The following KAT2B variants were observed in gnomAD, a reference collection of about 807,000 sequenced individuals.
KAT2B encodes the protein lysine acetyltransferase 2B.
Under a neutral mutation model 105.9 loss-of-function variants are expected in KAT2B, and 36 were observed. The ratio of observed to expected loss-of-function variants is 0.34; its 90% CI spans 0.26 to 0.45. KAT2B has a LOEUF of 0.45. Ranked by LOEUF, KAT2B falls within the 20% of genes least tolerant of loss-of-function variation. The pLI is 1.00. For missense variants in KAT2B, 820 were observed against 1,021.6 expected (o/e 0.80, Z 2.69); for synonymous variants, 397 against 377.9 (o/e 1.05, Z -0.59).
chr3:20,040,651 G>C lies in KAT2B; in HGVS notation c.174G>C (p.Val58=). Residue 58 remains valine (V), a synonymous_variant, in exon 1 of 18, where the codon GTG becomes GTC. Coordinates refer to ENST00000263754, the MANE Select transcript of KAT2B (RefSeq NM_003884.5). ...GCGCCTGCGGTCCGGCGACGGCAGTGGCTGCAGCGGGCACGGCCGAAGGAC... is the reference window on the plus strand; with the variant it reads ...GCGCCTGCGGTCCGGCGACGGCAGTCGCTGCAGCGGGCACGGCCGAAGGAC... ...GSGACGPATA[V]AAAGTAEGPG... The C allele has an allele frequency of 1.3e-6, 2 of 1,484,410 alleles. No individual in the cohort carries two copies. Among genetic ancestry groups the C allele is most frequent in the Non-Finnish European group, 1.8e-6 (2 of 1,121,682 alleles). 92.0% of individuals were successfully genotyped at this position (1,484,410 alleles called of 1,614,324 possible).
chr3:20,059,915 T>G (rs1240840944), intron 1 of KAT2B, among the ~76,000 whole-genome samples: 1 of 152,168 alleles, frequency 6.6e-6, no homozygotes, highest in Admixed American at 6.5e-5. Flanking sequence ...CCACCCCAGA[T>G]GACCACTAAT....
chr3:20,120,327 A>C (rs1055964342), intron 8 of KAT2B, among the ~76,000 whole-genome samples: 11 of 152,030 alleles, frequency 7.2e-5, no homozygotes, highest in African/African-American at 2.4e-4. Context: ...TCCTGGGTTT[A>C]AGTGACTCTC....
intron 1 of KAT2B, among the ~76,000 whole-genome samples, chr3:20,060,303 T>C (rs929331754): frequency 6.6e-6 from 1 of 152,188 alleles, no homozygotes; most frequent in African/African-American, 2.4e-5. Flanking sequence ...AAAATTGTTG[T>C]TTCTTAAAAA....
In KAT2B at chr3:20,140,259, T is replaced by A. The variant is rs1699673891; in HGVS notation, c.1899T>A (p.Tyr633Ter). ...AAATTAAAATACCTAAAACCAAATA[T>A]GTTGGCTATATCAAGGATTATGAAG... Reference protein sequence around the residue: ...SKEIKIPKTKYVGYIKDYEGA... With the variant: ...SKEIKIPKTK The change falls in exon 13 of 18, where the codon TAT (tyrosine) becomes TAA (stop). Residue 633 changes from tyrosine to a stop codon, truncating the protein, a stop_gained. Coordinates refer to ENST00000263754, the MANE Select transcript of KAT2B (RefSeq NM_003884.5). LOFTEE classifies it high-confidence loss of function. 6.2e-7 allele frequency: 1 copy of A among 1,611,028 alleles called. No individual in the cohort carries two copies. The highest frequency in any genetic ancestry group is 1.1e-5 in the South Asian group (1 of 91,010).
intron 9 of KAT2B, 26 bp from the exon 10 acceptor site, chr3:20,125,879 A>AT (rs1699393624): frequency 1.3e-6 from 2 of 1,596,788 alleles, no homozygotes; most frequent in African/African-American, 1.3e-5. Flanking sequence ...GCTCTGTGTA[A>AT]TTTTTTCCTG....
rs111929078 is a variant in KAT2B at position 20,109,283 on chromosome 3, CAGATAGATAGAT to C, written c.852-2282_852-2271del. 5.9e-3 allele frequency among the ~76,000 whole-genome samples: 880 copies of C among 149,336 alleles called. 8 individuals are homozygous for C. The highest frequency in any genetic ancestry group is 0.02 in the African/African-American group (818 of 40,398). Reference sequence around the variant, plus strand: ...ATTTGATCTGACTTCCCCTCAGCCCCAGATAGATAGATAGATAGATAGATAGATAGATAGATA... The same window carrying C: ...ATTTGATCTGACTTCCCCTCAGCCCCAGATAGATAGATAGATAGATAGATA... On this transcript the variant is annotated intron_variant, in intron 5 of 17. Coordinates refer to ENST00000263754, the MANE Select transcript of KAT2B (RefSeq NM_003884.5).
intron 2 of KAT2B, among the ~76,000 whole-genome samples, chr3:20,081,448 A>G (rs552908764): frequency 6.6e-6 from 1 of 152,284 alleles, no homozygotes; most frequent in Non-Finnish European, 1.5e-5. Context: ...GGGTGTTTGC[A>G]AGTCTGACAC....
In KAT2B at chr3:20,066,330, A is replaced by AG. The variant is rs113083144; in HGVS notation, c.304-6003_304-6002insG. On this transcript the variant is annotated intron_variant, in intron 1 of 17. Coordinates refer to ENST00000263754, the MANE Select transcript of KAT2B (RefSeq NM_003884.5). ...AGGATAATTTCATCTGCATGTCCTT[A>AG]ACTGATCACATCTGCAATGAACCTA... Among the ~76,000 whole-genome samples, 577 of 152,292 alleles carry AG rather than the reference A, an allele frequency of 3.8e-3. 5 individuals are homozygous for AG. Among genetic ancestry groups the AG allele is most frequent in the South Asian group, 0.023 (110 of 4,826 alleles).
At chr3:20,122,093 TAAAC>T (rs1699321708) in intron 8 of KAT2B, among the ~76,000 whole-genome samples, 2 of 152,132 alleles carry the variant, frequency 1.3e-5, no homozygotes, top group African/African-American at 2.4e-5. Context: ...GTTGAGGCTT[TAAAC>T]AAACAACTGA....
At chr3:20,107,284 G>A (rs1374587813) in intron 5 of KAT2B, among the ~76,000 whole-genome samples, 1 of 149,342 alleles carries the variant, frequency 6.7e-6, no homozygotes, top group Admixed American at 6.7e-5. Flanking sequence ...GCCCTCCTCG[G>A]CCTCCCAAAG....
intron 1 of KAT2B, among the ~76,000 whole-genome samples, chr3:20,067,964 G>A (rs1022762857): frequency 5.4e-5 from 8 of 148,470 alleles, no homozygotes; most frequent in African/African-American, 1.2e-4. Flanking sequence ...TGCCTGTCCC[G>A]TCTGGCTTAA....
chr3:20,089,795 G>C (rs907171389), intron 2 of KAT2B, among the ~76,000 whole-genome samples: 2 of 152,030 alleles, frequency 1.3e-5, no homozygotes, highest in Non-Finnish European at 2.9e-5. Context: ...TTTTGATGCT[G>C]TTATAAATGA....
chr3:20,072,180 G>T (rs984024984), intron 1 of KAT2B, among the ~76,000 whole-genome samples, 153 bp from the exon 2 acceptor site: 1 of 152,164 alleles, frequency 6.6e-6, no homozygotes, highest in African/African-American at 2.4e-5. Flanking sequence ...CCACCTTTGG[G>T]TTTTCTGTTT....
In KAT2B at chr3:20,101,360, CA is replaced by C. The variant is rs1698906741; in HGVS notation, c.748del (p.Met250CysfsTer3). On this transcript the variant is annotated frameshift_variant, in exon 5 of 18. Coordinates refer to ENST00000263754, the MANE Select transcript of KAT2B (RefSeq NM_003884.5). LOFTEE classifies it high-confidence loss of function. ...AKERQTIVEL[A>X]KMFLNRINYW... ...GAAAGGCAAACAATAGTTGAGTTGG[CA>C]AAAATGTTCCTAAACCGCATCAACT... 1 of 1,613,794 alleles carries C rather than the reference CA, an allele frequency of 6.2e-7. No homozygotes were observed. Among genetic ancestry groups the C allele is most frequent in the African/African-American group, 1.3e-5 (1 of 74,904 alleles).
At chr3:20,124,626 T>C (rs1699367249) in intron 9 of KAT2B, among the ~76,000 whole-genome samples, 1 of 152,226 alleles carries the variant, frequency 6.6e-6, no homozygotes, top group African/African-American at 2.4e-5. Flanking sequence ...GGGTCACACA[T>C]TCAAACTACA....
intron 1 of KAT2B, among the ~76,000 whole-genome samples, chr3:20,049,783 T>A (rs1047154855): frequency 1.3e-5 from 2 of 152,122 alleles, no homozygotes; most frequent in Admixed American, 6.6e-5. Flanking sequence ...AAGTTGACAA[T>A]CAAGACTGGT....
intron 12 of KAT2B, chr3:20,137,628 C>T (rs1699625176): frequency 6.5e-6 from 1 of 154,732 alleles, no homozygotes; most frequent in Non-Finnish European, 1.5e-5. Flanking sequence ...CCTTGACCTC[C>T]TGGGCTCAGG....
chr3:20,127,242 G>A (rs1281053000), intron 10 of KAT2B, among the ~76,000 whole-genome samples, 181 bp from the exon 11 acceptor site: 2 of 152,126 alleles, frequency 1.3e-5, no homozygotes, highest in Non-Finnish European at 2.9e-5. Context: ...TTGTGCAGGC[G>A]ACCTAGCTCT....
intron 5 of KAT2B, among the ~76,000 whole-genome samples, chr3:20,104,851 A>G (rs1698970494): frequency 6.6e-6 from 1 of 151,662 alleles, no homozygotes; most frequent in Admixed American, 6.6e-5. Flanking sequence ...TGTTCTGAAG[A>G]AAAGAAAAAT....
Sources: gnomAD v4.1 joint callset for allele counts (sites outside exome capture counted in the v4.1 genomes callset) on GRCh38, gnomAD v4.1.1 for gene constraint, MANE v1.5 for transcripts, NCBI Gene and HGNC (gene_info 2026-07-23, HGNC 2026-07-21) for gene names.